Variants in DIP2C observed in about 807,000 individuals in gnomAD.
DIP2C encodes disco-interacting protein 2 homolog C.
In DIP2C, 33 loss-of-function variants were observed where a neutral mutation model predicts 192.4. The observed-to-expected ratio is 0.17, with a 90% CI of 0.13 to 0.23. The LOEUF (loss-of-function observed/expected upper bound fraction) is 0.23, where lower values mean the gene tolerates loss of function less well. DIP2C is among the 10% of genes least tolerant of loss of function. The pLI is 1.00. For missense variants in DIP2C, 1,537 were observed against 2,110.1 expected (o/e 0.73, Z 5.32); for synonymous variants, 979 against 864.1 (o/e 1.13, Z -2.33).
chr10:449,220 C>A (rs1265941722), intron 3 of DIP2C, among the ~76,000 whole-genome samples: 1 of 152,192 alleles, frequency 6.6e-6, no homozygotes, highest in Non-Finnish European at 1.5e-5. Context: ...CCACTCACCC[C>A]CGTCGATACT....
At chr10:434,365 A>T (rs982454617) in intron 4 of DIP2C, among the ~76,000 whole-genome samples, 1 of 152,128 alleles carries the variant, frequency 6.6e-6, no homozygotes, top group African/African-American at 2.4e-5. Context: ...CGCAGCCTTG[A>T]AAAGGATCCT....
At chr10:504,961 C>CA (rs1845491489) in intron 1 of DIP2C, among the ~76,000 whole-genome samples, 1 of 152,176 alleles carries the variant, frequency 6.6e-6, no homozygotes, top group East Asian at 1.9e-4. Flanking sequence ...ATGTGACTCT[C>CA]AGTGCTAGGT....
At chr10:603,305 A>T (rs1852220194) in intron 1 of DIP2C, among the ~76,000 whole-genome samples, 1 of 79,702 alleles carries the variant, frequency 1.3e-5, no homozygotes, top group Non-Finnish European at 2.9e-5. Context: ...TCTCAAAAAA[A>T]AAAAAAAAAA....
chr10:542,314 G>A (rs1251694193), intron 1 of DIP2C, among the ~76,000 whole-genome samples: 2 of 152,204 alleles, frequency 1.3e-5, no homozygotes, highest in African/African-American at 4.8e-5. Flanking sequence ...AGAACGTCAT[G>A]TCCCTCAACA....
rs911268479 is a variant in DIP2C at position 484,703 on chromosome 10, C to T, written c.157+1756G>A. On this transcript the variant is annotated intron_variant, in intron 2 of 36. Coordinates refer to ENST00000280886, the MANE Select transcript of DIP2C (RefSeq NM_014974.3). ...CAAGGCCACACCCTACACGTCTGTA[C>T]GGGATGGCACTCGGCGGGTGGCCCT... 6.4e-5 allele frequency: 97 copies of T among 1,517,260 alleles called. 1 individual carries two copies. In the African/African-American group the frequency reaches 1.2e-3, roughly 18 times the overall value. 94.0% of individuals were successfully genotyped at this position (1,517,260 alleles called of 1,614,324 possible).
chr10:377,901 T>G (rs796529331), intron 17 of DIP2C, among the ~76,000 whole-genome samples: 1 of 152,350 alleles, frequency 6.6e-6, no homozygotes, highest in East Asian at 1.9e-4. Flanking sequence ...TATCAGGGTA[T>G]CCAAATAGTA....
intron 3 of DIP2C, among the ~76,000 whole-genome samples, chr10:446,729 T>C (rs561873554): frequency 2.0e-4 from 31 of 152,334 alleles, no homozygotes; most frequent in African/African-American, 7.5e-4. Flanking sequence ...AGGGCCCTTA[T>C]CAAACAGAGA....
intron 1 of DIP2C, among the ~76,000 whole-genome samples, chr10:494,047 G>A (rs1246365307): frequency 6.6e-6 from 1 of 152,244 alleles, no homozygotes; most frequent in African/African-American, 2.4e-5. Context: ...TCCAGGATCT[G>A]AAAAGTCACG....
intron 2 of DIP2C, among the ~76,000 whole-genome samples, chr10:474,328 C>T (rs1399579133): frequency 2.6e-5 from 4 of 152,196 alleles, no homozygotes; most frequent in African/African-American, 9.7e-5. Context: ...TTCAATGATT[C>T]TGGAGTTAAT....
intron 1 of DIP2C, among the ~76,000 whole-genome samples, chr10:495,366 CCTG>C (rs1844751616): frequency 1.3e-5 from 2 of 152,114 alleles, no homozygotes; most frequent in Non-Finnish European, 2.9e-5. Context: ...GCATCATCTG[CCTG>C]AAACTGGGTA....
intron 29 of DIP2C, among the ~76,000 whole-genome samples, chr10:332,028 C>CA (rs1296617768): frequency 6.6e-5 from 10 of 152,134 alleles, no homozygotes; most frequent in Non-Finnish European, 1.5e-4. Context: ...CTCAAGTGAT[C>CA]CTCCCACTTC....
At chr10:597,210 A>G (rs531070960) in intron 1 of DIP2C, among the ~76,000 whole-genome samples, 2 of 152,268 alleles carry the variant, frequency 1.3e-5, no homozygotes, top group South Asian at 4.1e-4. Context: ...CCTGGGTCTC[A>G]GCTCCTCAGA....
intron 9 of DIP2C, among the ~76,000 whole-genome samples, chr10:405,140 C>A (rs1964711021): frequency 6.6e-6 from 1 of 152,234 alleles, no homozygotes. Context: ...GCTCTGGAGG[C>A]AGAGTCTTCA....
At chr10:578,541 G>C (rs368711799) in intron 1 of DIP2C, among the ~76,000 whole-genome samples, 18 of 152,276 alleles carry the variant, frequency 1.2e-4, no homozygotes, top group African/African-American at 4.3e-4. Flanking sequence ...GAAGTGATTG[G>C]TTCCTAAATC....
intron 1 of DIP2C, among the ~76,000 whole-genome samples, chr10:546,633 G>A (rs1044692492): frequency 1.3e-5 from 2 of 152,218 alleles, no homozygotes; most frequent in Non-Finnish European, 1.5e-5. Flanking sequence ...CTGCAACGCA[G>A]AGTCTGGACC....
intron 1 of DIP2C, among the ~76,000 whole-genome samples, chr10:648,489 C>G (rs549787753): frequency 6.6e-6 from 1 of 151,204 alleles, no homozygotes; most frequent in South Asian, 2.1e-4. Flanking sequence ...TGGGAGAGAA[C>G]AGAGGGAAAC....
At chr10:658,333 C>CTGGACCTGCCCA (rs1425645590) in intron 1 of DIP2C, among the ~76,000 whole-genome samples, 4,158 of 141,322 alleles carry the variant, frequency 0.029, 27 homozygotes, top group Middle Eastern at 0.057. Context: ...GGACCTGACA[C>CTGGACCTGCCCA]TGGACCTGCC....
chr10:362,816 A>G (rs190978447), intron 21 of DIP2C, 125 bp from the exon 22 acceptor site: 9 of 1,080,890 alleles, frequency 8.3e-6, no homozygotes, highest in Non-Finnish European at 7.7e-6. Context: ...TTCCCAGCAT[A>G]AAAATGCCAA....
intron 5 of DIP2C, among the ~76,000 whole-genome samples, chr10:421,989 G>A (rs906373138): frequency 2.6e-5 from 4 of 152,168 alleles, no homozygotes; most frequent in African/African-American, 9.7e-5. Context: ...GGGTTCTGGG[G>A]TGTCTGTGGG....
Sources: allele counts gnomAD v4.1 joint callset (sites outside exome capture counted in the v4.1 genomes callset), GRCh38; gene constraint gnomAD v4.1.1; transcripts MANE v1.5; gene names NCBI Gene and HGNC (gene_info 2026-07-23, HGNC 2026-07-21).